Variants in TPD52 observed in about 807,000 individuals in gnomAD.
TPD52 encodes prostate and colon associated protein.
A neutral mutation model predicts 31.3 loss-of-function variants in TPD52; 17 were observed. The ratio of observed to expected loss-of-function variants is 0.54; its 90% CI spans 0.37 to 0.82. The LOEUF (loss-of-function observed/expected upper bound fraction) is 0.82, where lower values mean the gene tolerates loss of function less well. TPD52 is among the 40% of genes least tolerant of loss of function. TPD52 has a pLI of 0.00. For missense variants in TPD52, 212 were observed against 240.1 expected (o/e 0.88, Z 0.77); for synonymous variants, 83 against 89.6 (o/e 0.93, Z 0.42).
intron 1 of TPD52, among the ~76,000 whole-genome samples, chr8:80,144,795 T>A (rs1415157192): frequency 1.5e-4 from 23 of 152,182 alleles, no homozygotes; most frequent in Admixed American, 1.5e-3. Flanking sequence ...TTACATGGTA[T>A]TCGGTGTGCA....
chr8:80,162,425 T>C, intron 1 of TPD52, among the ~76,000 whole-genome samples: 1 of 151,608 alleles, frequency 6.6e-6, no homozygotes, highest in East Asian at 1.9e-4. Flanking sequence ...TAGAGGGAAA[T>C]ACAAATGGAT....
At chr8:80,146,781 C>T (rs568665519) in intron 1 of TPD52, among the ~76,000 whole-genome samples, 3 of 152,188 alleles carry the variant, frequency 2.0e-5, no homozygotes, top group Non-Finnish European at 4.4e-5. Flanking sequence ...ATGAAGTGAT[C>T]AATATGTACT....
intron 1 of TPD52, among the ~76,000 whole-genome samples, chr8:80,154,770 T>A (rs80328619): frequency 6.7e-6 from 1 of 149,648 alleles, no homozygotes; most frequent in Admixed American, 6.7e-5. Context: ...CTACATTAGC[T>A]TTGAAGTAGC....
chr8:80,101,842 C>T (rs1013281845), intron 1 of TPD52, among the ~76,000 whole-genome samples: 1 of 152,164 alleles, frequency 6.6e-6, no homozygotes, highest in Non-Finnish European at 1.5e-5. Flanking sequence ...ACTTCCAACA[C>T]CGGGGAGTAT....
chr8:80,038,495 C>T (rs1810073530), intron 7 of TPD52, among the ~76,000 whole-genome samples: 3 of 152,142 alleles, frequency 2.0e-5, no homozygotes, highest in Non-Finnish European at 4.4e-5. Flanking sequence ...TTGTTCTTCA[C>T]AGGAAGTCTG....
chr8:80,048,097 C>A (rs963021256), intron 5 of TPD52, among the ~76,000 whole-genome samples: 1 of 152,170 alleles, frequency 6.6e-6, no homozygotes, highest in Non-Finnish European at 1.5e-5. Flanking sequence ...AAGCATATCA[C>A]CTGAGGGAAA....
chr8:80,129,993 C>T (rs923716238), intron 1 of TPD52, among the ~76,000 whole-genome samples: 9 of 152,192 alleles, frequency 5.9e-5, no homozygotes, highest in African/African-American at 1.2e-4. Context: ...CCGTTGCTCC[C>T]GGCCACTCTC....
At chr8:80,100,155 C>T (rs1274793105) in intron 1 of TPD52, among the ~76,000 whole-genome samples, 1 of 152,140 alleles carries the variant, frequency 6.6e-6, no homozygotes, top group African/African-American at 2.4e-5. Flanking sequence ...GGGGAAATCT[C>T]GCCTCCAAAT....
At chr8:80,072,296 G>C (rs535941200) in intron 1 of TPD52, among the ~76,000 whole-genome samples, 2 of 141,664 alleles carry the variant, frequency 1.4e-5, no homozygotes, top group Non-Finnish European at 1.6e-5. Context: ...GACAGAGAGA[G>C]ACTCCATCTA....
Position 80,084,367 on chromosome 8 carries a change from C to A in TPD52, c.20-19774G>T, listed in dbSNP as rs541178238. ...TAAGGATAGACATCTGACCCAGACA[C>A]TGTCAATCAATCAGTGGCCTTCCTT... is the stretch of plus-strand genomic sequence containing the variant. On this transcript the variant is annotated intron_variant, in intron 1 of 7. Coordinates refer to ENST00000518937, the MANE Select transcript of TPD52 (RefSeq NM_001025253.3). Among the ~76,000 whole-genome samples, 111 of 152,346 alleles carry A rather than the reference C, an allele frequency of 7.3e-4. 1 individual carries two copies. In the South Asian group the frequency reaches 0.022, roughly 30 times the overall value.
chr8:80,089,278 G>A (rs569114492), intron 1 of TPD52, among the ~76,000 whole-genome samples: 3 of 152,298 alleles, frequency 2.0e-5, no homozygotes, highest in African/African-American at 7.2e-5. Context: ...TGGGTGACGG[G>A]CAATGAGAAG....
At chr8:80,053,227 G>A (rs1811544500) in intron 3 of TPD52, 55 bp downstream of exon 3, 2 of 1,561,788 alleles carry the variant, frequency 1.3e-6, no homozygotes, top group African/African-American at 2.7e-5. Flanking sequence ...CCAGACAAAA[G>A]GCACAACAGT....
chr8:80,045,257 A>G (rs999156168), intron 5 of TPD52, among the ~76,000 whole-genome samples: 4 of 151,496 alleles, frequency 2.6e-5, no homozygotes, highest in Admixed American at 6.6e-5. Context: ...GCTGGTCCCA[A>G]TCTCTAAATT....
chr8:80,164,414 T>C (rs1811575869), intron 1 of TPD52, among the ~76,000 whole-genome samples: 1 of 152,210 alleles, frequency 6.6e-6, no homozygotes, highest in Non-Finnish European at 1.5e-5. Context: ...GTTAGGCAGT[T>C]GGGTGGCCAA....
rs543771345 is a variant in TPD52, at chr8:80,160,998, G to A, written c.19+10427C>T. On this transcript the variant is annotated intron_variant, in intron 1 of 7. Transcript: ENST00000518937. ...AATTGCTTGAGCCTGGGAGGCAGAA[G>A]TTGCAGTGAGCCTCAATCACTGCAC... 2.6e-5 allele frequency among the ~76,000 whole-genome samples: 4 copies of A among 151,344 alleles called. No individual in the cohort carries two copies. In the South Asian group the frequency reaches 8.4e-4, roughly 32 times the overall value.
intron 1 of TPD52, among the ~76,000 whole-genome samples, chr8:80,142,880 G>A (rs1439031970): frequency 3.9e-5 from 6 of 152,072 alleles, no homozygotes; most frequent in Non-Finnish European, 8.8e-5. Flanking sequence ...CTAGGACCTC[G>A]CACACACATT....
chr8:80,090,710 A>C (rs1431481249), intron 1 of TPD52, among the ~76,000 whole-genome samples: 1 of 146,380 alleles, frequency 6.8e-6, no homozygotes, highest in African/African-American at 2.7e-5. Context: ...ATAAGAAAGA[A>C]AAAAAAAAAA....
At chr8:80,066,618 CAA>C (rs1813180410) in intron 1 of TPD52, among the ~76,000 whole-genome samples, 1 of 152,144 alleles carries the variant, frequency 6.6e-6, no homozygotes, top group Non-Finnish European at 1.5e-5. Context: ...GTTTTCAAAG[CAA>C]AGTGTGACCC....
chr8:80,085,925 C>T (rs1471909061), intron 1 of TPD52, among the ~76,000 whole-genome samples: 2 of 152,042 alleles, frequency 1.3e-5, no homozygotes, highest in Non-Finnish European at 2.9e-5. Flanking sequence ...AGAAAAGCCC[C>T]ACCCTGACTG....
Sources: gnomAD v4.1 joint callset for allele counts (sites outside exome capture counted in the v4.1 genomes callset) on GRCh38, gnomAD v4.1.1 for gene constraint, MANE v1.5 for transcripts, NCBI Gene and HGNC (gene_info 2026-07-23, HGNC 2026-07-21) for gene names.